Variants in NETO2 observed in about 807,000 individuals in gnomAD.
NETO2 encodes the protein neuropilin and tolloid like 2, also known as neuropilin and tolloid-like protein 2.
A neutral mutation model predicts 62.5 loss-of-function variants in NETO2; 28 were observed. The ratio of observed to expected loss-of-function variants is 0.45; its 90% confidence interval spans 0.33 to 0.61. NETO2 has a LOEUF of 0.61. Among genes scored for constraint, NETO2 ranks in the 20% least tolerant of loss-of-function variants. The pLI is 0.02. For synonymous variants in NETO2, 214 were observed against 219.1 expected (o/e 0.98, Z 0.21); for missense variants, 548 against 643.2 (o/e 0.85, Z 1.60).
chr16:47,085,380 C>CTT (rs113927407), intron 8 of NETO2, among the ~76,000 whole-genome samples: 1 of 145,898 alleles, frequency 6.9e-6, no homozygotes. Flanking sequence ...CCACGATATA[C>CTT]TTTTTTTTTT....
intron 6 of NETO2, 113 bp from the exon 7 acceptor site, chr16:47,109,824 A>G (rs1441352763): frequency 1.4e-6 from 1 of 694,790 alleles, no homozygotes; most frequent in African/African-American, 1.8e-5. Context: ...ACAGAAAACC[A>G]TAATCGATAA....
intron 4 of NETO2, 50 bp downstream of exon 4, chr16:47,128,275 C>CA: frequency 1.3e-6 from 2 of 1,554,068 alleles, no homozygotes; most frequent in Non-Finnish European, 1.7e-6. Flanking sequence ...ATTCTAAAAT[C>CA]AGAGTTAGAG....
At chr16:47,090,004 A>G (rs1167506364) in intron 7 of NETO2, among the ~76,000 whole-genome samples, 1 of 152,216 alleles carries the variant, frequency 6.6e-6, no homozygotes, top group Non-Finnish European at 1.5e-5. Context: ...GCCATTTTCA[A>G]GACAGGCTGA....
chr16:47,083,909 T>C (rs1963127409), intron 8 of NETO2, 108 bp from the exon 9 acceptor site: 1 of 739,154 alleles, frequency 1.4e-6, no homozygotes, highest in Non-Finnish European at 2.2e-6. Flanking sequence ...GGGCCAAATA[T>C]ACTACAGACA....
At chr16:47,093,823 AT>A (rs1963366708) in intron 7 of NETO2, among the ~76,000 whole-genome samples, 1 of 152,232 alleles carries the variant, frequency 6.6e-6, no homozygotes, top group African/African-American at 2.4e-5. Context: ...TTTGTCAAAA[AT>A]ATCTGATATC....
rs1411314661 is a variant in NETO2, at chr16:47,079,363, AG to A, written c.*3857del. ...GTAATCCCAGCACTTTGGGAGGCCG[AG>A]GCGGGTGGATCACGAGGTCAGGAGA... On this transcript the variant is annotated 3_prime_UTR_variant, in exon 9 of 9. Transcript: ENST00000562435. 6.6e-6 allele frequency: 1 copy of A among 151,190 alleles called. No individual in the cohort carries two copies. The highest frequency in any genetic ancestry group is 2.4e-5 in the African/African-American group (1 of 41,072). 9.4% of individuals were successfully genotyped at this position (151,190 alleles called of 1,614,324 possible). A position where few individuals can be genotyped will look rare whatever the true frequency, so the allele number is the denominator to read the frequency against.
At chr16:47,112,764 C>T in intron 6 of NETO2, among the ~76,000 whole-genome samples, 1 of 152,142 alleles carries the variant, frequency 6.6e-6, no homozygotes, top group African/African-American at 2.4e-5. Flanking sequence ...AAAAGCAATA[C>T]AACATTCTTC....
chr16:47,084,805 C>T (rs775011768), intron 8 of NETO2, among the ~76,000 whole-genome samples: 5 of 152,306 alleles, frequency 3.3e-5, no homozygotes, highest in East Asian at 3.9e-4. Context: ...TCATCACCCC[C>T]AGATGGGACT....
At chr16:47,124,678 C>A (rs926876308) in intron 4 of NETO2, among the ~76,000 whole-genome samples, 5 of 152,140 alleles carry the variant, frequency 3.3e-5, no homozygotes, top group Non-Finnish European at 7.3e-5. Flanking sequence ...ATTATAAAGG[C>A]AACATGATAG....
intron 1 of NETO2, among the ~76,000 whole-genome samples, chr16:47,142,726 T>G (rs1167618186): frequency 1.3e-5 from 2 of 152,254 alleles, no homozygotes; most frequent in Non-Finnish European, 2.9e-5. Context: ...CAGGAGCAAC[T>G]TTGTATCCCA....
chr16:47,082,049 G>A lies in NETO2; in HGVS notation c.*1172C>T, dbSNP rs1463473519. 6.6e-6 allele frequency: 1 copy of A among 152,504 alleles called. No individual in the cohort carries two copies. Among genetic ancestry groups the A allele is most frequent in the Non-Finnish European group, 1.5e-5 (1 of 68,012 alleles). 9.4% of individuals were successfully genotyped at this position (152,504 alleles called of 1,614,324 possible). On this transcript the variant is annotated 3_prime_UTR_variant, in exon 9 of 9. Coordinates refer to ENST00000562435, the MANE Select transcript of NETO2 (RefSeq NM_018092.5). Reference sequence around the variant, plus strand: ...ATCTTGATTTAATAAAGTTTGTACAGTATCAAATAATATCAAAAGTCTAAA... The same window carrying A: ...ATCTTGATTTAATAAAGTTTGTACAATATCAAATAATATCAAAAGTCTAAA...
intron 6 of NETO2, among the ~76,000 whole-genome samples, chr16:47,115,587 G>A (rs1963894462): frequency 6.7e-6 from 1 of 150,164 alleles, no homozygotes; most frequent in Admixed American, 6.6e-5. Flanking sequence ...GAGTGCAGTG[G>A]TGCGCTCTTG....
chr16:47,119,006 T>C (rs1452146655), intron 6 of NETO2, among the ~76,000 whole-genome samples: 6 of 152,102 alleles, frequency 3.9e-5, no homozygotes, highest in Non-Finnish European at 8.8e-5. Flanking sequence ...TTTCCCCCAT[T>C]GTCATTTATT....
At chr16:47,105,840 G>A (rs1375512385) in intron 7 of NETO2, among the ~76,000 whole-genome samples, 1 of 152,208 alleles carries the variant, frequency 6.6e-6, no homozygotes, top group Non-Finnish European at 1.5e-5. Flanking sequence ...TGGTGAACAT[G>A]TGGAGAAACT....
At chr16:47,118,726 AT>A (rs1247676584) in intron 6 of NETO2, among the ~76,000 whole-genome samples, 1 of 150,080 alleles carries the variant, frequency 6.7e-6, no homozygotes, top group Non-Finnish European at 1.5e-5. Flanking sequence ...AGCCAATCTT[AT>A]TTTATTTGTC....
chr16:47,128,377 A>T lies in NETO2; in HGVS notation c.429T>A (p.Ser143=), dbSNP rs1266656703. ...TGRFMWIKFS[S]DEELEGLGFR... ...ATCCCAGTCCTTCAAGCTCTTCATC[A>T]GAACTAAACTTAATCCACATGAATC... Residue 143 remains serine, a synonymous_variant, in exon 4 of 9, where the codon TCT becomes TCA. Coordinates refer to ENST00000562435, the MANE Select transcript of NETO2 (RefSeq NM_018092.5). The T allele has an allele frequency of 6.2e-6, 10 of 1,614,088 alleles. No individual in the cohort carries two copies. The highest frequency in any genetic ancestry group is 8.5e-6 in the Non-Finnish European group (10 of 1,179,976).
In NETO2 at chr16:47,109,730, A is replaced by G. The variant is rs1963752434; in HGVS notation, c.655-19T>C. 2 of 1,509,302 alleles carry G rather than the reference A, an allele frequency of 1.3e-6. No homozygotes were observed. Among genetic ancestry groups the G allele is most frequent in the African/African-American group, 2.8e-5 (2 of 72,602 alleles). 93.5% of individuals were successfully genotyped at this position (1,509,302 alleles called of 1,614,324 possible). On this transcript the variant is annotated intron_variant, in intron 6 of 8. Coordinates refer to ENST00000562435, the MANE Select transcript of NETO2 (RefSeq NM_018092.5). The stretch of plus-strand genomic sequence containing the variant: ...AATAAATCTGTAATATTAACACAAA[A>G]ACACTGCTTTTAAAAAGATATATTA...
chr16:47,092,023 TG>T (rs1387689326), intron 7 of NETO2, among the ~76,000 whole-genome samples: 20 of 150,858 alleles, frequency 1.3e-4, no homozygotes, highest in African/African-American at 4.9e-4. Context: ...AAAACTGTTT[TG>T]GTTTTTTTTT....
At position 47,109,632 on chromosome 16, in the gene NETO2, C is replaced by T. The variant is rs1179246182; in HGVS notation, c.734G>A (p.Ser245Asn). Residue 245 changes from serine to asparagine, a missense_variant, in exon 7 of 9, where the codon AGC becomes AAC. Transcript: ENST00000562435. ...GGCCTTCAGGTTTTCAATAGAACTGCTTCCATCATAGACTGCAACGAAGTT... is the reference window on the plus strand; with the variant it reads ...GGCCTTCAGGTTTTCAATAGAACTGTTTCCATCATAGACTGCAACGAAGTT... ...KRNFVAVYDGSSSIENLKAKF... is the reference protein window; with the variant it reads ...KRNFVAVYDGNSSIENLKAKF... 1 of 1,614,146 alleles carries T rather than the reference C, an allele frequency of 6.2e-7. No homozygotes were observed. Among genetic ancestry groups the T allele is most frequent in the African/African-American group, 1.3e-5 (1 of 75,060 alleles).
Sources: allele counts gnomAD v4.1 joint callset (sites outside exome capture counted in the v4.1 genomes callset), GRCh38; gene constraint gnomAD v4.1.1; transcripts MANE v1.5; gene names NCBI Gene and HGNC (gene_info 2026-07-23, HGNC 2026-07-21).